Variants in RSBN1 observed in about 807,000 individuals in gnomAD.
RSBN1 encodes the protein lysine-specific demethylase 9.
RSBN1 carries 23 observed loss-of-function variants against 74.8 expected under a neutral mutation model. The observed-to-expected ratio is 0.31, with a 90% CI of 0.22 to 0.44. RSBN1 has a LOEUF of 0.44. Ranked by LOEUF, RSBN1 falls within the 20% of genes least tolerant of loss-of-function variation. The pLI is 1.00. For synonymous variants in RSBN1, 407 were observed against 379.6 expected, an observed-to-expected ratio of 1.07 and a Z score of -0.84; for missense variants, 808 against 1,020.9, an observed-to-expected ratio of 0.79 and a Z score of 2.84.
chr1:113,802,994 T>C (rs529557984), intron 1 of RSBN1, among the ~76,000 whole-genome samples: 283 of 152,348 alleles, frequency 1.9e-3, no homozygotes, highest in Non-Finnish European at 2.4e-3. Flanking sequence ...TGCTCTGTGC[T>C]CTGCCTATTC....
intron 4 of RSBN1, among the ~76,000 whole-genome samples, chr1:113,772,003 A>C (rs770772624): frequency 4.6e-5 from 7 of 152,104 alleles, no homozygotes; most frequent in Non-Finnish European, 1.0e-4. Context: ...TAGGTGAAAT[A>C]TAGAAAAGAA....
chr1:113,805,306 G>C (rs752230630), intron 1 of RSBN1, among the ~76,000 whole-genome samples: 1 of 152,068 alleles, frequency 6.6e-6, no homozygotes, highest in Non-Finnish European at 1.5e-5. Context: ...GACTAGGCTG[G>C]TGTCAAACTC....
rs776777935 is a variant in RSBN1, at chr1:113,812,382, TGTC to T, written c.28_30del (p.Asp10del). 3 of 1,601,706 alleles carry T rather than the reference TGTC, an allele frequency of 1.9e-6. No individual in the cohort carries two copies. The highest frequency in any genetic ancestry group is 1.3e-5 in the African/African-American group (1 of 74,894). Reference sequence around the variant, plus strand: ...TGGAGTCTCTCCTCCGCCCTCCACTTGTCGGCCGTTCTTCGTCCAGAGATGAAC... The same window carrying T: ...TGGAGTCTCTCCTCCGCCCTCCACTTGGCCGTTCTTCGTCCAGAGATGAAC... On this transcript the variant is annotated inframe_deletion, in exon 1 of 7. Coordinates refer to ENST00000261441, the MANE Select transcript of RSBN1 (RefSeq NM_018364.5).
intron 4 of RSBN1, among the ~76,000 whole-genome samples, chr1:113,773,951 C>T (rs745681718): frequency 6.6e-6 from 1 of 151,960 alleles, no homozygotes; most frequent in African/African-American, 2.4e-5. Flanking sequence ...TGCAGTGAGC[C>T]GAGATCGCGC....
Position 113,762,760 on chromosome 1 carries a change from T to A in RSBN1, c.*3220A>T, listed in dbSNP as rs575625962. ...TATAGGGAAAGGCAATAAGCAAGTT[T>A]TTTCCAGTCATTAAGTGTGACTTTT... On this transcript the variant is annotated 3_prime_UTR_variant, in exon 7 of 7. Transcript: ENST00000261441. 2.0e-5 allele frequency: 3 copies of A among 152,880 alleles called. No homozygotes were observed. In the East Asian group the frequency reaches 5.6e-4, roughly 29 times the overall value. The allele number at this position is 152,880 out of a possible 1,614,324, so 9.5% of individuals were successfully genotyped here.
intron 2 of RSBN1, among the ~76,000 whole-genome samples, chr1:113,791,161 C>T (rs1480942464): frequency 6.6e-6 from 1 of 152,018 alleles, no homozygotes; most frequent in South Asian, 2.1e-4. Flanking sequence ...AGGAAAAACA[C>T]AGTCTTTGGT....
intron 2 of RSBN1, among the ~76,000 whole-genome samples, chr1:113,794,500 G>GT (rs931983186): frequency 1.3e-5 from 2 of 152,072 alleles, no homozygotes; most frequent in Non-Finnish European, 2.9e-5. Context: ...TCCCTTAACA[G>GT]TCAGTGCATA....
At chr1:113,806,505 A>C (rs1413600386) in intron 1 of RSBN1, among the ~76,000 whole-genome samples, 1 of 152,158 alleles carries the variant, frequency 6.6e-6, no homozygotes, top group Non-Finnish European at 1.5e-5. Flanking sequence ...GTACAAAATT[A>C]ACTCAAATGG....
At chr1:113,807,307 C>G (rs1660724562) in intron 1 of RSBN1, among the ~76,000 whole-genome samples, 1 of 145,596 alleles carries the variant, frequency 6.9e-6, no homozygotes, top group Non-Finnish European at 1.5e-5. Flanking sequence ...AAGTGAGAAT[C>G]CATCTCAAAA....
intron 2 of RSBN1, among the ~76,000 whole-genome samples, chr1:113,779,383 T>C (rs1660092571): frequency 6.6e-6 from 1 of 152,176 alleles, no homozygotes; most frequent in South Asian, 2.1e-4. Flanking sequence ...AGGCTGTAGA[T>C]CTTGTTCTCA....
chr1:113,788,796 G>A (rs1660308297), intron 2 of RSBN1, among the ~76,000 whole-genome samples: 1 of 152,014 alleles, frequency 6.6e-6, no homozygotes, highest in Non-Finnish European at 1.5e-5. Context: ...TGGATAAAAA[G>A]ACCTATCAAA....
At chr1:113,772,682 GACA>G (rs1659908118) in intron 4 of RSBN1, among the ~76,000 whole-genome samples, 2 of 152,050 alleles carry the variant, frequency 1.3e-5, no homozygotes, top group African/African-American at 4.8e-5. Context: ...CAAAAAGATG[GACA>G]TTAGTATTTA....
At chr1:113,775,381 G>A (rs1037433640) in intron 4 of RSBN1, among the ~76,000 whole-genome samples, 5 of 147,488 alleles carry the variant, frequency 3.4e-5, no homozygotes, top group African/African-American at 1.0e-4. Context: ...TTACTCTGTC[G>A]TCCAGGCTGG....
At chr1:113,778,277 G>A (rs984447732) in intron 2 of RSBN1, among the ~76,000 whole-genome samples, 1 of 150,602 alleles carries the variant, frequency 6.6e-6, no homozygotes, top group African/African-American at 2.4e-5. Flanking sequence ...CTGTTACCAA[G>A]ACAGGCCAAT....
chr1:113,799,269 C>G (rs1660532858), intron 1 of RSBN1, among the ~76,000 whole-genome samples: 1 of 152,136 alleles, frequency 6.6e-6, no homozygotes, highest in South Asian at 2.1e-4. Flanking sequence ...GTTGCCCAGG[C>G]AGGGCTCAAG....
Position 113,800,900 on chromosome 1 carries a change from A to G in RSBN1, c.704-2864T>C, listed in dbSNP as rs1282937737. Among the ~76,000 whole-genome samples, 6 of 152,152 alleles carry G rather than the reference A, an allele frequency of 3.9e-5. No homozygotes were observed. In the East Asian group the frequency reaches 7.7e-4, roughly 19 times the overall value. Reference sequence around the variant, plus strand: ...CACTGTATAAAGAAAAGAATCTTACATTGTAATCTCATAAATCAACATGAT... The same window carrying G: ...CACTGTATAAAGAAAAGAATCTTACGTTGTAATCTCATAAATCAACATGAT... On this transcript the variant is annotated intron_variant, in intron 1 of 6. Coordinates refer to ENST00000261441, the MANE Select transcript of RSBN1 (RefSeq NM_018364.5).
At chr1:113,797,287 T>G in intron 2 of RSBN1, 76 bp downstream of exon 2, 1 of 1,144,914 alleles carries the variant, frequency 8.7e-7, no homozygotes, top group Middle Eastern at 2.6e-4. Context: ...TGTGCTGGTA[T>G]GTGCTGTGCG....
At position 113,797,881 on chromosome 1, in the gene RSBN1, G is replaced by A. The variant is rs1236012770; in HGVS notation, c.859C>T (p.Arg287Cys). The A allele has an allele frequency of 5.0e-6, 8 of 1,613,336 alleles. No homozygotes were observed. Among genetic ancestry groups the A allele is most frequent in the Middle Eastern group, 1.6e-4 (1 of 6,062 alleles). ...TGGGTGAGAATTTCTTTACTGATGC[G>A]GGTCAGGCCAGCACAGACGGTTTGT... ...EVQTVCAGLT[R>C]ISKEILTQGQ... The change falls in exon 2 of 7, where the codon CGC becomes TGC. Residue 287 changes from arginine to cysteine, a missense_variant. Transcript: ENST00000261441.
At chr1:113,767,261 T>A in intron 5 of RSBN1, 54 bp from the exon 6 acceptor site, 1 of 1,047,962 alleles carries the variant, frequency 9.5e-7, no homozygotes, top group Non-Finnish European at 1.4e-6. Context: ...TGAAAAATGA[T>A]GACAAATTTC....
Sources: allele counts gnomAD v4.1 joint callset (sites outside exome capture counted in the v4.1 genomes callset), GRCh38; gene constraint gnomAD v4.1.1; transcripts MANE v1.5; gene names NCBI Gene and HGNC (gene_info 2026-07-23, HGNC 2026-07-21).